Variants in NT5DC1 observed in about 807,000 individuals in gnomAD.
NT5DC1 encodes 5'-nucleotidase domain containing 1, also known as 5'-nucleotidase domain-containing protein 1.
Under a neutral mutation model 59.4 loss-of-function variants are expected in NT5DC1, and 42 were observed. The observed-to-expected ratio is 0.71, with a 90% CI of 0.55 to 0.92. The LOEUF (loss-of-function observed/expected upper bound fraction) is 0.92. Ranked by LOEUF, NT5DC1 falls within the 40% of genes least tolerant of loss-of-function variation. The probability of loss-of-function intolerance (pLI) is 0.00; values close to 1 mark genes in which losing one functional copy is unlikely to be tolerated. For missense variants in NT5DC1, 501 were observed against 537.1 expected (o/e 0.93, Z 0.66); for synonymous variants, 172 against 188.1 (o/e 0.91, Z 0.70).
In NT5DC1 at chr6:116,118,015, A is replaced by G. The variant is rs144690702; in HGVS notation, c.529+70A>G. ...TATGTTTGTCTAGTGAATTAGCTGAAAAGTAGGTACTTTGCTGTGTATCTT... is the reference window on the plus strand; with the variant it reads ...TATGTTTGTCTAGTGAATTAGCTGAGAAGTAGGTACTTTGCTGTGTATCTT... On this transcript the variant is annotated intron_variant, in intron 6 of 11. Coordinates refer to ENST00000319550, the MANE Select transcript of NT5DC1 (RefSeq NM_152729.3). The G allele has an allele frequency of 9.9e-5, 81 of 814,640 alleles. No individual in the cohort carries two copies. In the African/African-American group the frequency reaches 1.2e-3, roughly 12 times the overall value. The allele number at this position is 814,640 out of a possible 1,614,324, so 50.5% of individuals were successfully genotyped here. A position where few individuals can be genotyped will look rare whatever the true frequency, so the allele number is the denominator to read the frequency against.
At position 116,228,364 on chromosome 6, in the gene NT5DC1, C is replaced by T. The variant is rs541723659; in HGVS notation, c.802+5233C>T. Among the ~76,000 whole-genome samples, 3 of 152,244 alleles carry T rather than the reference C, an allele frequency of 2.0e-5. No homozygotes were observed. The East Asian group carries it at 5.8e-4, about 29-fold the overall frequency. On this transcript the variant is annotated intron_variant, in intron 8 of 11. Coordinates refer to ENST00000319550, the MANE Select transcript of NT5DC1 (RefSeq NM_152729.3). ...TCTCTACTAAAAATATAAAATCAGG[C>T]GGGCATGGTGGCACATGCCTGTAAT...
intron 6 of NT5DC1, among the ~76,000 whole-genome samples, chr6:116,142,378 T>C (rs1016269448): frequency 6.6e-6 from 1 of 152,116 alleles, no homozygotes; most frequent in Non-Finnish European, 1.5e-5. Context: ...CCACATAAAC[T>C]TGAAAGCACC....
intron 6 of NT5DC1, among the ~76,000 whole-genome samples, chr6:116,153,476 A>G (rs942757891): frequency 6.6e-6 from 1 of 152,156 alleles, no homozygotes; most frequent in African/African-American, 2.4e-5. Context: ...ATAATAGAAG[A>G]TAATATGCCA....
chr6:116,120,189 C>G lies in NT5DC1; in HGVS notation c.529+2244C>G, dbSNP rs201121404. 1.2e-5 allele frequency: 20 copies of G among 1,613,956 alleles called. No individual in the cohort carries two copies. The highest frequency in any genetic ancestry group is 6.6e-5 in the South Asian group (6 of 91,078). On this transcript the variant is annotated intron_variant, in intron 6 of 11. Transcript: ENST00000319550. Reference sequence around the variant, plus strand: ...CACACCTGGTCATTTTCTGTGAGATCGATGATGGCACTCCCTGAAGCCTGA... The same window carrying G: ...CACACCTGGTCATTTTCTGTGAGATGGATGATGGCACTCCCTGAAGCCTGA...
chr6:116,168,699 GT>G (rs1183801600), intron 6 of NT5DC1, among the ~76,000 whole-genome samples: 2 of 151,148 alleles, frequency 1.3e-5, no homozygotes, highest in Admixed American at 6.6e-5. Flanking sequence ...ACTAGCTATT[GT>G]TTTTTTTAAT....
In NT5DC1 at chr6:116,111,288, C is replaced by G. The variant is rs558959109; in HGVS notation, c.364+332C>G. ...TTGTCCTCAATCCTTACTTTTCTTT[C>G]TCCATCTCTGATTCCTCCAGGCATT... is the stretch of plus-strand genomic sequence containing the variant. On this transcript the variant is annotated intron_variant, in intron 4 of 11. Coordinates refer to ENST00000319550, the MANE Select transcript of NT5DC1 (RefSeq NM_152729.3). Among the ~76,000 whole-genome samples, 20 of 152,328 alleles carry G rather than the reference C, an allele frequency of 1.3e-4. 1 individual carries two copies. The South Asian group carries it at 2.3e-3, about 17-fold the overall frequency.
chr6:116,192,020 T>C (rs1256610989), intron 6 of NT5DC1, among the ~76,000 whole-genome samples: 1 of 152,076 alleles, frequency 6.6e-6, no homozygotes, highest in Non-Finnish European at 1.5e-5. Context: ...CTTATGAAAC[T>C]CATCCAGTTA....
In NT5DC1 at chr6:116,120,906, C is replaced by G. The variant is rs1304918815; in HGVS notation, c.529+2961C>G. ...GGATCACCTTTTGGACCTGGTAACC[C>G]TGGGTTACCCTTAGGACCATCGAGA... is the stretch of plus-strand genomic sequence containing the variant. On this transcript the variant is annotated intron_variant, in intron 6 of 11. Coordinates refer to ENST00000319550, the MANE Select transcript of NT5DC1 (RefSeq NM_152729.3). 6.2e-7 allele frequency: 1 copy of G among 1,613,966 alleles called. No individual in the cohort carries two copies. Among genetic ancestry groups the G allele is most frequent in the Admixed American group, 1.7e-5 (1 of 60,014 alleles).
chr6:116,119,932 G>T (rs1385314115), intron 6 of NT5DC1: 1 of 806,064 alleles, frequency 1.2e-6, no homozygotes, highest in East Asian at 2.5e-5. Flanking sequence ...GGGAAGGTTT[G>T]TTGGTCTGAT....
chr6:116,117,963 G>C lies in NT5DC1; in HGVS notation c.529+18G>C, dbSNP rs557013076. The C allele has an allele frequency of 2.4e-6, 3 of 1,235,122 alleles. No individual in the cohort carries two copies. Among genetic ancestry groups the C allele is most frequent in the Non-Finnish European group, 3.6e-6 (3 of 833,972 alleles). 76.5% of individuals were successfully genotyped at this position (1,235,122 alleles called of 1,614,324 possible). On this transcript the variant is annotated intron_variant, in intron 6 of 11. Transcript: ENST00000319550. ...TTTTAAGGGTAAGTATTGTGAAGAG[G>C]GGCCTTCTAATACGTGTTTGTTAAG...
At chr6:116,118,003 T>G (rs756349268) in intron 6 of NT5DC1, 58 bp downstream of exon 6, 1 of 858,266 alleles carries the variant, frequency 1.2e-6, no homozygotes, top group African/African-American at 1.7e-5. Context: ...GTTTGTCTAG[T>G]GAATTAGCTG....
chr6:116,127,460 T>C (rs1047644229), intron 6 of NT5DC1, among the ~76,000 whole-genome samples: 5 of 152,166 alleles, frequency 3.3e-5, no homozygotes, highest in African/African-American at 1.2e-4. Flanking sequence ...ATGTTTCTTA[T>C]AGCAGTTTAG....
intron 6 of NT5DC1, among the ~76,000 whole-genome samples, chr6:116,163,273 C>T (rs2114433059): frequency 6.7e-6 from 1 of 148,950 alleles, no homozygotes; most frequent in Non-Finnish European, 1.5e-5. Flanking sequence ...GTTGGTAGAT[C>T]TTTTATTACT....
chr6:116,243,915 CT>C lies in NT5DC1; in HGVS notation c.1260del (p.Leu421TrpfsTer32). 1 of 1,438,122 alleles carries C rather than the reference CT, an allele frequency of 7.0e-7. No homozygotes were observed. The highest frequency in any genetic ancestry group is 9.7e-7 in the Non-Finnish European group (1 of 1,030,414). The allele number at this position is 1,438,122 out of a possible 1,614,324, so 89.1% of individuals were successfully genotyped here. A position where few individuals can be genotyped will look rare whatever the true frequency, so the allele number is the denominator to read the frequency against. ...IPSIEAIAELPLDYKFTRFSS... is the reference protein window; with the variant it reads ...IPSIEAIAELXLDYKFTRFSS... ...ATTTTTTTTTCCTCCCCAGAATTAC[CT>C]CTGGACTACAAATTTACAAGATTCT... On this transcript the variant is annotated frameshift_variant, in exon 12 of 12. Transcript: ENST00000319550. LOFTEE classifies it high-confidence loss of function.
At chr6:116,219,977 A>AC (rs1562170463) in intron 6 of NT5DC1, among the ~76,000 whole-genome samples, 2 of 149,434 alleles carry the variant, frequency 1.3e-5, no homozygotes, top group Non-Finnish European at 3.0e-5. Context: ...AAAAAAAAAA[A>AC]AAAAAAACAA....
chr6:116,147,930 G>A lies in NT5DC1; in HGVS notation c.529+29985G>A, dbSNP rs562617634. ...GAACCTGGGAGGCGGAGGTTGCAGG[G>A]AGCTGAGATCGCGCCACTGCACTCC... is the stretch of plus-strand genomic sequence containing the variant. On this transcript the variant is annotated intron_variant, in intron 6 of 11. Coordinates refer to ENST00000319550, the MANE Select transcript of NT5DC1 (RefSeq NM_152729.3). Among the ~76,000 whole-genome samples the A allele has an allele frequency of 1.6e-4, 25 of 151,922 alleles. No homozygotes were observed. In the South Asian group the frequency reaches 4.0e-3, roughly 24 times the overall value.
chr6:116,118,032 G>A (rs1779002612), intron 6 of NT5DC1, 87 bp downstream of exon 6: 1 of 762,290 alleles, frequency 1.3e-6, no homozygotes, highest in East Asian at 2.6e-5. Flanking sequence ...GTACTTTGCT[G>A]TGTATCTTAC....
intron 6 of NT5DC1, among the ~76,000 whole-genome samples, chr6:116,126,813 T>C (rs1779327679): frequency 6.6e-6 from 1 of 152,170 alleles, no homozygotes; most frequent in Non-Finnish European, 1.5e-5. Flanking sequence ...GCTGTGTTTA[T>C]TTCAGGAGAA....
chr6:116,205,389 C>G (rs1781429862), intron 6 of NT5DC1, among the ~76,000 whole-genome samples: 1 of 151,822 alleles, frequency 6.6e-6, no homozygotes, highest in South Asian at 2.1e-4. Context: ...TGGAAGTGTT[C>G]ACATATCTTA....
Sources: allele counts gnomAD v4.1 joint callset (sites outside exome capture counted in the v4.1 genomes callset), GRCh38; gene constraint gnomAD v4.1.1; transcripts MANE v1.5; gene names NCBI Gene and HGNC (gene_info 2026-07-23, HGNC 2026-07-21).